Variants in ZBTB46 observed in about 807,000 individuals in gnomAD.
ZBTB46 encodes zinc finger and BTB domain containing 46, also known as zinc finger and BTB domain-containing protein 46.
In ZBTB46, 8 loss-of-function variants were observed where a neutral mutation model predicts 44.1. That is an observed-to-expected ratio of 0.18 (90% CI 0.11 to 0.33). The LOEUF (loss-of-function observed/expected upper bound fraction) is 0.33, where lower values mean the gene tolerates loss of function less well. Among genes scored for constraint, ZBTB46 ranks in the 10% least tolerant of loss-of-function variants. ZBTB46 has a pLI of 1.00. For missense variants in ZBTB46, 651 were observed against 847.7 expected, an observed-to-expected ratio of 0.77 and a Z score of 2.88; for synonymous variants, 409 against 382.3, an observed-to-expected ratio of 1.07 and a Z score of -0.81.
chr20:63,800,801 G>T (rs67549383), intron 1 of ZBTB46, among the ~76,000 whole-genome samples: 27,422 of 152,200 alleles, frequency 0.18, 3,016 homozygotes, highest in East Asian at 0.45. Context: ...CCTGAAGCCC[G>T]CCATGCCTGA....
rs774494197 is a variant in ZBTB46 at position 63,743,759 on chromosome 20, C to G, written c.*3171G>C. ...TCACAGAAAGGAAACGCACAGGCGC[C>G]TAGGCAGAAACTTGGAGACTCACCG... On this transcript the variant is annotated 3_prime_UTR_variant, in exon 5 of 5. Transcript: ENST00000245663. The G allele has an allele frequency of 6.6e-6, 1 of 152,430 alleles. No individual in the cohort carries two copies. Among genetic ancestry groups the G allele is most frequent in the Non-Finnish European group, 1.5e-5 (1 of 68,056 alleles). The allele number at this position is 152,430 out of a possible 1,614,324, so 9.4% of individuals were successfully genotyped here.
upstream of ZBTB46, among the ~76,000 whole-genome samples, chr20:63,833,345 A>C (rs970384054): frequency 1.3e-5 from 2 of 152,220 alleles, no homozygotes; most frequent in Non-Finnish European, 2.9e-5. Flanking sequence ...TAATCCCAGC[A>C]CTTTGGGAGG....
At chr20:63,778,838 T>C (rs2092445907) in intron 2 of ZBTB46, among the ~76,000 whole-genome samples, 1 of 152,262 alleles carries the variant, frequency 6.6e-6, no homozygotes, top group African/African-American at 2.4e-5. Flanking sequence ...GTTAAGGCTT[T>C]GTCTTAGCTT....
chr20:63,770,979 G>A (rs1249071118), intron 3 of ZBTB46, among the ~76,000 whole-genome samples: 2 of 140,834 alleles, frequency 1.4e-5, no homozygotes, highest in South Asian at 2.4e-4. Flanking sequence ...CAGCAGCCAC[G>A]CCGCTCGAAC....
At chr20:63,773,755 C>T (rs900550521) in intron 3 of ZBTB46, among the ~76,000 whole-genome samples, 1 of 152,246 alleles carries the variant, frequency 6.6e-6, no homozygotes, top group East Asian at 1.9e-4. Flanking sequence ...GGGCATGCGC[C>T]GCTGGCCGCA....
chr20:63,823,122 T>C (rs186772281), intron 1 of ZBTB46, among the ~76,000 whole-genome samples: 6 of 151,910 alleles, frequency 3.9e-5, no homozygotes, highest in African/African-American at 1.2e-4. Flanking sequence ...GAGCCAAAAC[T>C]GCACCACTGC....
chr20:63,826,788 T>C (rs1256075844), intron 1 of ZBTB46, among the ~76,000 whole-genome samples: 1 of 152,130 alleles, frequency 6.6e-6, no homozygotes, highest in African/African-American at 2.4e-5. Flanking sequence ...GGGAAGGCAT[T>C]ATGTGTGCTG....
At chr20:63,780,089 G>A (rs1023765140) in intron 2 of ZBTB46, among the ~76,000 whole-genome samples, 7 of 151,748 alleles carry the variant, frequency 4.6e-5, no homozygotes, top group Admixed American at 1.3e-4. Flanking sequence ...TGGCCAGCCC[G>A]GTGAAACCCC....
At chr20:63,829,924 C>A (rs1275323131) in intron 1 of ZBTB46, among the ~76,000 whole-genome samples, 1 of 152,286 alleles carries the variant, frequency 6.6e-6, no homozygotes, top group East Asian at 1.9e-4. Flanking sequence ...CGTGAGTTCT[C>A]GGCGCACAGG....
At chr20:63,747,864 G>A (rs2145748286) in intron 4 of ZBTB46, among the ~76,000 whole-genome samples, 1 of 152,168 alleles carries the variant, frequency 6.6e-6, no homozygotes, top group East Asian at 1.9e-4. Context: ...TTCTCACGGG[G>A]GTCACACCAC....
At chr20:63,791,267 G>C (rs980904496) in intron 1 of ZBTB46, among the ~76,000 whole-genome samples, 1 of 152,102 alleles carries the variant, frequency 6.6e-6, no homozygotes, top group African/African-American at 2.4e-5. Context: ...AGGCCGAGGA[G>C]GGTGGAGCAC....
At chr20:63,824,051 G>A (rs1046527274) in intron 1 of ZBTB46, among the ~76,000 whole-genome samples, 2 of 152,164 alleles carry the variant, frequency 1.3e-5, no homozygotes, top group Non-Finnish European at 2.9e-5. Flanking sequence ...GAGACCAGAG[G>A]CTCAGGGCAG....
intron 2 of ZBTB46, among the ~76,000 whole-genome samples, chr20:63,786,643 C>G (rs1440703988): frequency 1.3e-5 from 2 of 152,146 alleles, no homozygotes; most frequent in African/African-American, 4.8e-5. Flanking sequence ...TCCTGAGCAG[C>G]TGGGACTACA....
At chr20:63,812,478 C>T (rs1406216405) in intron 1 of ZBTB46, among the ~76,000 whole-genome samples, 1 of 148,788 alleles carries the variant, frequency 6.7e-6, no homozygotes, top group Non-Finnish European at 1.5e-5. Context: ...CCCGTCTCTA[C>T]TAAAATACAA....
At chr20:63,775,257 G>A (rs149035238) in intron 3 of ZBTB46, 173 of 170,274 alleles carry the variant, frequency 1.0e-3, no homozygotes, top group African/African-American at 1.8e-3. Context: ...GGCTCGCAGC[G>A]GCCGCCCCCA....
intron 1 of ZBTB46, among the ~76,000 whole-genome samples, chr20:63,811,941 A>G (rs1356555001): frequency 2.0e-5 from 3 of 152,188 alleles, no homozygotes; most frequent in Non-Finnish European, 2.9e-5. Context: ...AAAAAAAACT[A>G]AAGTAAAAAT....
At chr20:63,791,437 A>C (rs1232854223) in intron 1 of ZBTB46, among the ~76,000 whole-genome samples, 8 of 138,200 alleles carry the variant, frequency 5.8e-5, no homozygotes, top group Non-Finnish European at 1.2e-4. Context: ...CGGAGCCTGC[A>C]GTGAGCCGAG....
chr20:63,815,191 G>GA, intron 1 of ZBTB46: 1 of 230,980 alleles, frequency 4.3e-6, no homozygotes, highest in Non-Finnish European at 8.8e-6. Context: ...CCCAGGTGCA[G>GA]TGGGCGCAGG....
chr20:63,763,294 G>A (rs890748677), intron 3 of ZBTB46, among the ~76,000 whole-genome samples: 4 of 151,904 alleles, frequency 2.6e-5, no homozygotes, highest in African/African-American at 7.3e-5. Context: ...CTCCTTTCTT[G>A]CCTTCTTTCA....
Sources: allele counts gnomAD v4.1 joint callset (sites outside exome capture counted in the v4.1 genomes callset), GRCh38; gene constraint gnomAD v4.1.1; transcripts MANE v1.5; gene names NCBI Gene and HGNC (gene_info 2026-07-23, HGNC 2026-07-21).